The following FHIT variants were observed in gnomAD, a reference collection of about 807,000 sequenced individuals.
FHIT encodes the protein bis(5'-adenosyl)-triphosphatase.
Under a neutral mutation model 17.9 loss-of-function variants are expected in FHIT, and 19 were observed. The observed-to-expected ratio is 1.06, with a 90% confidence interval of 0.74 to 1.56. FHIT has a LOEUF of 1.56. Ranked by LOEUF, FHIT falls within the 40% of genes most tolerant of loss-of-function variation. FHIT has a pLI of 0.00. For missense variants in FHIT, 248 were observed against 189.2 expected (o/e 1.31, Z -1.82); for synonymous variants, 81 against 69.7 (o/e 1.16, Z -0.81).
intron 4 of FHIT, among the ~76,000 whole-genome samples, chr3:60,800,579 G>A (rs868950006): frequency 2.6e-5 from 4 of 152,182 alleles, no homozygotes; most frequent in African/African-American, 7.2e-5. Context: ...CAGGGGAAAA[G>A]GGTATCTTAA....
At chr3:60,606,437 C>T (rs1378770745) in intron 4 of FHIT, among the ~76,000 whole-genome samples, 1 of 152,018 alleles carries the variant, frequency 6.6e-6, no homozygotes, top group Non-Finnish European at 1.5e-5. Context: ...GATGGGGTTT[C>T]ACCATGTTAC....
intron 7 of FHIT, among the ~76,000 whole-genome samples, chr3:59,963,313 G>T (rs1055469461): frequency 1.3e-5 from 2 of 151,898 alleles, no homozygotes; most frequent in Non-Finnish European, 2.9e-5. Context: ...AAAATGTATT[G>T]TTAGTCTTAA....
chr3:61,216,619 T>C lies in FHIT; in HGVS notation c.-212-15954A>G, dbSNP rs561395560. Reference sequence around the variant, plus strand: ...CAGGGATCTAGAACTAGAAATACCATTTGACCCAGCCATGCCATTACTGCG... The same window carrying C: ...CAGGGATCTAGAACTAGAAATACCACTTGACCCAGCCATGCCATTACTGCG... On this transcript the variant is annotated intron_variant, in intron 1 of 9. Transcript: ENST00000492590. Among the ~76,000 whole-genome samples the C allele has an allele frequency of 3.6e-3, 553 of 152,290 alleles. 2 individuals carry two copies. Among genetic ancestry groups the C allele is most frequent in the Non-Finnish European group, 5.3e-3 (363 of 68,038 alleles).
At chr3:60,168,054 T>C (rs141917857) in intron 5 of FHIT, among the ~76,000 whole-genome samples, 2 of 152,244 alleles carry the variant, frequency 1.3e-5, no homozygotes, top group Non-Finnish European at 2.9e-5. Flanking sequence ...ACAAATTTGT[T>C]ATCAACTTGT....
intron 4 of FHIT, among the ~76,000 whole-genome samples, chr3:60,613,911 G>A (rs1185992646): frequency 6.6e-6 from 1 of 152,048 alleles, no homozygotes; most frequent in African/African-American, 2.4e-5. Context: ...CAATGAAGTA[G>A]GAAGCAGAGG....
intron 5 of FHIT, among the ~76,000 whole-genome samples, chr3:60,218,693 A>G (rs1441671677): frequency 1.3e-5 from 2 of 152,086 alleles, no homozygotes. Context: ...GATGACTGTG[A>G]TATCAACAAA....
chr3:60,234,016 C>T (rs941677820), intron 5 of FHIT, among the ~76,000 whole-genome samples: 2 of 152,134 alleles, frequency 1.3e-5, no homozygotes, highest in Non-Finnish European at 2.9e-5. Flanking sequence ...GATTAACAGA[C>T]AAGTCACTTA....
intron 5 of FHIT, among the ~76,000 whole-genome samples, chr3:60,142,057 G>A (rs935397448): frequency 6.6e-6 from 1 of 152,118 alleles, no homozygotes; most frequent in Non-Finnish European, 1.5e-5. Context: ...GTGCATCAAG[G>A]ACACAAGAAA....
chr3:60,112,061 A>G (rs919679411), intron 5 of FHIT, among the ~76,000 whole-genome samples: 2 of 152,228 alleles, frequency 1.3e-5, no homozygotes, highest in African/African-American at 4.8e-5. Flanking sequence ...TGGCTCAGTG[A>G]AGCTAAGTAT....
chr3:60,018,090 C>A (rs372206929), intron 5 of FHIT, among the ~76,000 whole-genome samples: 1 of 152,180 alleles, frequency 6.6e-6, no homozygotes, highest in South Asian at 2.1e-4. Flanking sequence ...CCAAGAAGCA[C>A]GATGCTGGCT....
chr3:60,439,976 C>T (rs1479769551), intron 5 of FHIT, among the ~76,000 whole-genome samples: 1 of 152,098 alleles, frequency 6.6e-6, no homozygotes, highest in Non-Finnish European at 1.5e-5. Context: ...TCACCATTTA[C>T]TGAGGTACTC....
intron 5 of FHIT, among the ~76,000 whole-genome samples, chr3:60,497,968 T>C (rs970684573): frequency 6.6e-6 from 1 of 152,208 alleles, no homozygotes. Flanking sequence ...AAGGGCAAGA[T>C]AGTAAATATT....
intron 3 of FHIT, among the ~76,000 whole-genome samples, chr3:60,851,722 A>T (rs1553748414): frequency 6.6e-6 from 1 of 152,172 alleles, no homozygotes; most frequent in Non-Finnish European, 1.5e-5. Flanking sequence ...CCATTAATGC[A>T]GTCTATCAAC....
intron 5 of FHIT, among the ~76,000 whole-genome samples, chr3:60,325,867 C>T (rs923063555): frequency 6.6e-6 from 1 of 152,196 alleles, no homozygotes; most frequent in East Asian, 1.9e-4. Context: ...AATGCACTTA[C>T]ATTTTGGACT....
intron 1 of FHIT, among the ~76,000 whole-genome samples, chr3:61,222,039 C>T (rs1336072055): frequency 3.9e-5 from 6 of 152,178 alleles, no homozygotes. Flanking sequence ...GCCCAGTGCT[C>T]GGATGGCCCA....
intron 8 of FHIT, among the ~76,000 whole-genome samples, chr3:59,829,297 G>A (rs1488898108): frequency 6.6e-6 from 1 of 152,140 alleles, no homozygotes; most frequent in Non-Finnish European, 1.5e-5. Flanking sequence ...GTTCATATTT[G>A]CAATGCAGGG....
intron 2 of FHIT, among the ~76,000 whole-genome samples, chr3:61,108,785 G>A: frequency 6.6e-6 from 1 of 152,166 alleles, no homozygotes; most frequent in Non-Finnish European, 1.5e-5. Context: ...TGTGGGTGTG[G>A]CAGCCATAGC....
At chr3:60,522,734 G>T (rs181503008) in intron 5 of FHIT, among the ~76,000 whole-genome samples, 213 of 152,292 alleles carry the variant, frequency 1.4e-3, no homozygotes, top group African/African-American at 4.9e-3. Context: ...AAAATCGCCT[G>T]ATCTCTGGTG....
At position 60,100,073 on chromosome 3, in the gene FHIT, G is replaced by C. The variant is rs575375783; in HGVS notation, c.104-85921C>G. ...TCACTGTGAGTGCTGCCCTGACCCTGACAATCAGGTCAACTGGACAGTCTG... is the reference window on the plus strand; with the variant it reads ...TCACTGTGAGTGCTGCCCTGACCCTCACAATCAGGTCAACTGGACAGTCTG... On this transcript the variant is annotated intron_variant, in intron 5 of 9. Transcript: ENST00000492590. 3.9e-5 allele frequency among the ~76,000 whole-genome samples: 6 copies of C among 152,212 alleles called. No homozygotes were observed. The South Asian group carries it at 1.2e-3, about 32-fold the overall frequency.
Sources: allele counts gnomAD v4.1 joint callset (sites outside exome capture counted in the v4.1 genomes callset), GRCh38; gene constraint gnomAD v4.1.1; transcripts MANE v1.5; gene names NCBI Gene and HGNC (gene_info 2026-07-23, HGNC 2026-07-21).